KATNIP: variants seen among roughly 807,000 people sequenced by gnomAD.
The protein encoded by KATNIP is katanin-interacting protein.
A neutral mutation model predicts 174.0 loss-of-function variants in KATNIP; 126 were observed. That is an observed-to-expected ratio of 0.72 (90% CI 0.63 to 0.84). The LOEUF is 0.84. Among genes scored for constraint, KATNIP ranks in the 40% least tolerant of loss-of-function variants. The probability of loss-of-function intolerance (pLI) is 0.00; values close to 1 mark genes in which losing one functional copy is unlikely to be tolerated. For synonymous variants in KATNIP, 810 were observed against 835.7 expected (o/e 0.97, Z 0.53); for missense variants, 1,958 against 2,109.7 (o/e 0.93, Z 1.41).
intron 13 of KATNIP, among the ~76,000 whole-genome samples, chr16:27,712,202 G>A (rs914306238): frequency 1.3e-5 from 2 of 152,190 alleles, no homozygotes; most frequent in African/African-American, 2.4e-5. Context: ...TTGGCCCTGC[G>A]ATTGGGACAT....
chr16:27,778,567 A>AT lies in KATNIP; in HGVS notation c.4802-6dup. The AT allele has an allele frequency of 6.2e-7, 1 of 1,613,574 alleles. No homozygotes were observed. Among genetic ancestry groups the AT allele is most frequent in the East Asian group, 2.2e-5 (1 of 44,820 alleles). On this transcript the variant is annotated splice_region_variant and splice_polypyrimidine_tract_variant and intron_variant, in intron 27 of 27. Transcript: ENST00000261588. ...AACTCTGGTCCCTCTGTTCCCTGTC[A>AT]TGACAGCCTTACGTCCCAAAACCTG...
chr16:27,632,594 C>A (rs1410166284), intron 5 of KATNIP: 1 of 456,370 alleles, frequency 2.2e-6, no homozygotes, highest in African/African-American at 2.0e-5. Context: ...GGGGTCAGAA[C>A]CACTCCATGG....
intron 6 of KATNIP, among the ~76,000 whole-genome samples, chr16:27,651,133 C>T (rs2077109040): frequency 6.6e-6 from 1 of 152,204 alleles, no homozygotes; most frequent in East Asian, 1.9e-4. Flanking sequence ...ATAGCCCTTC[C>T]TTTGTGAGCT....
rs748035219 is a variant in KATNIP at position 27,777,818 on chromosome 16, A to G, written c.4712+48A>G. 47 of 1,612,874 alleles carry G rather than the reference A, an allele frequency of 2.9e-5. No homozygotes were observed. In the South Asian group the frequency reaches 5.1e-4, roughly 17 times the overall value. On this transcript the variant is annotated intron_variant, in intron 26 of 27. Transcript: ENST00000261588. This position sits in a 1 kb window ranked among gnomAD's most constrained non-coding sequence, Gnocchi z 4.4. Reference sequence around the variant, plus strand: ...GGCCTCCCCACCAGCCCTAAGGAGGATGGATGGCTGGGACACACGGCCAGG... The same window carrying G: ...GGCCTCCCCACCAGCCCTAAGGAGGGTGGATGGCTGGGACACACGGCCAGG...
At chr16:27,583,737 G>A (rs1459378382) in intron 2 of KATNIP, among the ~76,000 whole-genome samples, 1 of 152,226 alleles carries the variant, frequency 6.6e-6, no homozygotes, top group Non-Finnish European at 1.5e-5. Flanking sequence ...TTCTGTTTAA[G>A]TGATAGAAGC....
At chr16:27,623,420 T>C (rs1329121696) in intron 3 of KATNIP, among the ~76,000 whole-genome samples, 3 of 152,124 alleles carry the variant, frequency 2.0e-5, no homozygotes, top group African/African-American at 7.2e-5. Flanking sequence ...TCATCATCAT[T>C]ATCATCATCA....
intron 6 of KATNIP, among the ~76,000 whole-genome samples, chr16:27,676,876 T>G (rs967649852): frequency 1.3e-5 from 2 of 152,180 alleles, no homozygotes; most frequent in Admixed American, 6.5e-5. Context: ...CTCACTGTGT[T>G]GCCCAGGCTG....
At chr16:27,669,579 T>C (rs948967231) in intron 6 of KATNIP, among the ~76,000 whole-genome samples, 4 of 152,188 alleles carry the variant, frequency 2.6e-5, no homozygotes, top group Admixed American at 2.0e-4. Flanking sequence ...TACAGGCAGA[T>C]TGGCTTTCAA....
intron 2 of KATNIP, among the ~76,000 whole-genome samples, chr16:27,604,718 C>A (rs1567484055): frequency 6.6e-6 from 1 of 152,116 alleles, no homozygotes; most frequent in Non-Finnish European, 1.5e-5. Context: ...CACCCACCTC[C>A]TAGGGTTGTG....
At chr16:27,727,700 C>T (rs1046232116) in intron 14 of KATNIP, 19 of 152,328 alleles carry the variant, frequency 1.2e-4, no homozygotes, top group Admixed American at 1.2e-3. Flanking sequence ...AAGAAGTTTT[C>T]AAATGAATGC....
intron 6 of KATNIP, among the ~76,000 whole-genome samples, chr16:27,669,583 C>A (rs1453302423): frequency 2.0e-5 from 3 of 152,200 alleles, no homozygotes; most frequent in African/African-American, 7.2e-5. Context: ...GGCAGATTGG[C>A]TTTCAAAGCG....
intron 1 of KATNIP, among the ~76,000 whole-genome samples, chr16:27,556,785 A>T (rs2089645566): frequency 6.6e-6 from 1 of 152,204 alleles, no homozygotes; most frequent in Non-Finnish European, 1.5e-5. Flanking sequence ...AGCAAAAAAA[A>T]TAATAAAATA....
At chr16:27,769,578 C>T (rs1267315710) in intron 20 of KATNIP, among the ~76,000 whole-genome samples, 2 of 152,230 alleles carry the variant, frequency 1.3e-5, no homozygotes, top group South Asian at 4.1e-4. Flanking sequence ...CCGCCCCAGG[C>T]CGCTGCAGCT....
intron 14 of KATNIP, among the ~76,000 whole-genome samples, chr16:27,738,429 G>T (rs1435789143): frequency 6.6e-6 from 1 of 152,192 alleles, no homozygotes; most frequent in Non-Finnish European, 1.5e-5. Context: ...ATTGTATGGG[G>T]TGTGTATTCT....
chr16:27,676,250 G>A (rs77915338), intron 6 of KATNIP, among the ~76,000 whole-genome samples: 3,335 of 152,246 alleles, frequency 0.022, 136 homozygotes, highest in African/African-American at 0.076. Flanking sequence ...GCTTTCCACA[G>A]CACTGTAGGA....
intron 19 of KATNIP, among the ~76,000 whole-genome samples, chr16:27,762,342 T>C (rs2081982988): frequency 6.6e-6 from 1 of 152,234 alleles, no homozygotes; most frequent in South Asian, 2.1e-4. Flanking sequence ...CTGCCAGTTT[T>C]TGAGCACTTA....
chr16:27,570,164 T>C (rs367744313), intron 1 of KATNIP, among the ~76,000 whole-genome samples: 1 of 152,160 alleles, frequency 6.6e-6, no homozygotes, highest in Non-Finnish European at 1.5e-5. Context: ...TGAGGTCTGG[T>C]AATAAGAAAG....
At chr16:27,665,448 G>C (rs1423389646) in intron 6 of KATNIP, among the ~76,000 whole-genome samples, 2 of 151,886 alleles carry the variant, frequency 1.3e-5, no homozygotes, top group Non-Finnish European at 2.9e-5. Flanking sequence ...ACCCTGTGAA[G>C]AGGTGCTTTC....
intron 6 of KATNIP, chr16:27,659,996 A>C: frequency 1.8e-5 from 18 of 984,888 alleles, no homozygotes; most frequent in Non-Finnish European, 2.2e-5. Flanking sequence ...AGTTTATATA[A>C]CATTACGCCT....
Sources: allele counts gnomAD v4.1 joint callset (sites outside exome capture counted in the v4.1 genomes callset), GRCh38; gene constraint gnomAD v4.1.1; non-coding constraint Gnocchi (gnomAD v3.1); transcripts MANE v1.5; gene names NCBI Gene and HGNC (gene_info 2026-07-23, HGNC 2026-07-21).